Variants in FYB1 observed in about 807,000 individuals in gnomAD.
The protein encoded by FYB1 is FYN binding protein 1.
Under a neutral mutation model 94.1 loss-of-function variants are expected in FYB1, and 41 were observed. The ratio of observed to expected loss-of-function variants is 0.44; its 90% CI spans 0.34 to 0.57. FYB1 has a LOEUF of 0.57. Ranked by LOEUF, FYB1 falls within the 20% of genes least tolerant of loss-of-function variation. The probability of loss-of-function intolerance (pLI) is 0.02; values close to 1 mark genes in which losing one functional copy is unlikely to be tolerated. For missense variants in FYB1, 1,050 were observed against 976.8 expected (o/e 1.07, Z -1.00); for synonymous variants, 367 against 353.2 (o/e 1.04, Z -0.44).
At chr5:39,241,491 C>A (rs757029010) in intron 1 of FYB1, among the ~76,000 whole-genome samples, 2 of 152,158 alleles carry the variant, frequency 1.3e-5, no homozygotes, top group Non-Finnish European at 2.9e-5. Context: ...TGTGCATCTC[C>A]ACTTTTTTCC....
At chr5:39,177,849 A>G (rs1394203012) in intron 2 of FYB1, among the ~76,000 whole-genome samples, 2 of 152,198 alleles carry the variant, frequency 1.3e-5, no homozygotes, top group African/African-American at 4.8e-5. Flanking sequence ...AAGAATACCC[A>G]CTTCCTACTT....
chr5:39,175,235 G>A (rs1745613528), intron 2 of FYB1, among the ~76,000 whole-genome samples: 1 of 152,184 alleles, frequency 6.6e-6, no homozygotes, highest in African/African-American at 2.4e-5. Context: ...GAGAAACCAA[G>A]AATATGTCAA....
chr5:39,232,760 T>G (rs1362793473), intron 1 of FYB1, among the ~76,000 whole-genome samples: 1 of 141,622 alleles, frequency 7.1e-6, no homozygotes, highest in African/African-American at 2.6e-5. Context: ...ATATTCCCCT[T>G]CCTGTGTCCA....
chr5:39,115,353 C>A (rs551669870), intron 16 of FYB1, among the ~76,000 whole-genome samples: 1 of 152,164 alleles, frequency 6.6e-6, no homozygotes, highest in South Asian at 2.1e-4. Flanking sequence ...CCTCCGCCTC[C>A]CAAAGTCCTG....
At chr5:39,145,378 A>G (rs1253165476) in intron 3 of FYB1, among the ~76,000 whole-genome samples, 1 of 152,178 alleles carries the variant, frequency 6.6e-6, no homozygotes, top group Non-Finnish European at 1.5e-5. Flanking sequence ...TATACACGCA[A>G]TATGAAACAT....
intron 5 of FYB1, 118 bp from the exon 6 acceptor site, chr5:39,138,809 A>G (rs780044124): frequency 8.9e-5 from 63 of 709,046 alleles, no homozygotes; most frequent in Non-Finnish European, 1.3e-5. Flanking sequence ...TTTGAACCAC[A>G]TATTAAATGG....
In FYB1 at chr5:39,232,051, T is replaced by G. The variant is rs77480129; in HGVS notation, c.-27-29064A>C. Among the ~76,000 whole-genome samples the G allele has an allele frequency of 5.9e-3, 895 of 152,170 alleles. 15 individuals are homozygous for G. Among genetic ancestry groups the G allele is most frequent in the African/African-American group, 0.021 (866 of 41,514 alleles). The stretch of plus-strand genomic sequence containing the variant: ...CAAACTGTTTGCCTTAGCTCTGAGC[T>G]CTTGAGAAATAGGTCAATGTAGAAC... On this transcript the variant is annotated intron_variant, in intron 1 of 1. Transcript: ENST00000510188.
At chr5:39,129,503 C>A (rs567338471) in intron 10 of FYB1, among the ~76,000 whole-genome samples, 16 of 152,052 alleles carry the variant, frequency 1.1e-4, no homozygotes, top group African/African-American at 3.9e-4. Context: ...AAGCAATCAA[C>A]CAACAGAGTG....
chr5:39,186,814 A>T (rs1486978353), intron 2 of FYB1, among the ~76,000 whole-genome samples: 1 of 152,076 alleles, frequency 6.6e-6, no homozygotes, highest in Non-Finnish European at 1.5e-5. Flanking sequence ...ATGATGTACT[A>T]GGAACTGTGC....
At position 39,134,868 on chromosome 5, in the gene FYB1, T is replaced by G. The variant is rs1283383964; in HGVS notation, c.1662A>C (p.Thr554=). 4 of 1,613,854 alleles carry G rather than the reference T, an allele frequency of 2.5e-6. No homozygotes were observed. The African/African-American group carries it at 5.3e-5, about 22-fold the overall frequency. The change falls in exon 8 of 19, where the codon ACA becomes ACC. Residue 554 remains threonine (T), a synonymous_variant. Transcript: ENST00000512982. ...DNPEGKWLGR[T]ARGSYGYIKT... Reference sequence around the variant, plus strand: ...ATTTGCACTCACATGAACCCCTTGCTGTTCTGCCCAACCATTTTCCTTCTG... The same window carrying G: ...ATTTGCACTCACATGAACCCCTTGCGGTTCTGCCCAACCATTTTCCTTCTG...
intron 2 of FYB1, among the ~76,000 whole-genome samples, chr5:39,199,232 T>C (rs1748102430): frequency 6.6e-6 from 1 of 152,256 alleles, no homozygotes; most frequent in African/African-American, 2.4e-5. Flanking sequence ...TTTATATTGC[T>C]TATCCAGTTA....
At chr5:39,268,753 CG>C (rs1214279095) in intron 1 of FYB1, among the ~76,000 whole-genome samples, 8 of 151,916 alleles carry the variant, frequency 5.3e-5, no homozygotes, top group African/African-American at 1.9e-4. Flanking sequence ...TTAGTAGAGA[CG>C]GGGTTTCATC....
chr5:39,156,414 C>T (rs1176545913), intron 2 of FYB1, among the ~76,000 whole-genome samples: 5 of 152,020 alleles, frequency 3.3e-5, no homozygotes, highest in Non-Finnish European at 5.9e-5. Flanking sequence ...GAGTAGGGCT[C>T]GCCTGAGAGT....
chr5:39,172,015 T>C (rs1284473763), intron 2 of FYB1, among the ~76,000 whole-genome samples: 1 of 152,072 alleles, frequency 6.6e-6, no homozygotes, highest in African/African-American at 2.4e-5. Context: ...ATTGAAAAGA[T>C]TGGGGAAAAC....
intron 1 of FYB1, among the ~76,000 whole-genome samples, chr5:39,261,432 C>T (rs1752213439): frequency 6.7e-6 from 1 of 149,354 alleles, no homozygotes; most frequent in Non-Finnish European, 1.5e-5. Context: ...ATATATGAAT[C>T]CAGAGCAAAA....
chr5:39,150,600 A>G (rs1413361123), intron 3 of FYB1, among the ~76,000 whole-genome samples: 1 of 152,184 alleles, frequency 6.6e-6, no homozygotes, highest in African/African-American at 2.4e-5. Flanking sequence ...CAGCCTCCTC[A>G]TGGTGGTGCT....
At chr5:39,135,063 A>T (rs575688739) in intron 7 of FYB1, 49 bp from the exon 8 acceptor site, 1 of 1,591,052 alleles carries the variant, frequency 6.3e-7, no homozygotes, top group South Asian at 1.1e-5. Flanking sequence ...TAATTTAGAA[A>T]ATCTTTAAGG....
At chr5:39,222,674 G>C (rs1010649783), upstream of FYB1, among the ~76,000 whole-genome samples, 10 of 152,146 alleles carry the variant, frequency 6.6e-5, no homozygotes, top group South Asian at 2.1e-3. Flanking sequence ...TATGAGGTGA[G>C]TTTAGTAACA....
chr5:39,225,436 A>G (rs1750430295), intron 1 of FYB1, among the ~76,000 whole-genome samples: 1 of 152,158 alleles, frequency 6.6e-6, no homozygotes, highest in South Asian at 2.1e-4. Context: ...CTAACCTCTA[A>G]CTAGTCTTTT....
Sources: allele counts gnomAD v4.1 joint callset (sites outside exome capture counted in the v4.1 genomes callset), GRCh38; gene constraint gnomAD v4.1.1; transcripts MANE v1.5; gene names NCBI Gene and HGNC (gene_info 2026-07-23, HGNC 2026-07-21).